MACF1: variants seen among roughly 807,000 people sequenced by gnomAD.
MACF1 encodes microtubule actin crosslinking factor 1.
A neutral mutation model predicts 854.8 loss-of-function variants in MACF1; 193 were observed. That is an observed-to-expected ratio of 0.23 (90% CI 0.20 to 0.25). The LOEUF is 0.25. MACF1 is among the 10% of genes least tolerant of loss of function. The pLI, the probability that MACF1 is intolerant of heterozygous loss-of-function variation, is 1.00. For synonymous variants in MACF1, 3,185 were observed against 3,226.7 expected (o/e 0.99, Z 0.44); for missense variants, 7,722 against 8,929.1 (o/e 0.86, Z 5.45).
In MACF1 at chr1:39,393,193, AAAAATATATATATAT is replaced by A. The variant is rs1557627887; in HGVS notation, c.15816+4537_15816+4551del. On this transcript the variant is annotated intron_variant, in intron 58 of 100. Coordinates refer to ENST00000564288, the MANE Select transcript of MACF1 (RefSeq NM_001394062.1). ...TTCCTGGGAAGGGTAAAAAAAAAAA[AAAAATATATATATAT>A]ATATATATATATATATGTTAAGTCT... Among the ~76,000 whole-genome samples, 2 of 103,872 alleles carry A rather than the reference AAAAATATATATATAT, an allele frequency of 1.9e-5. 1 individual carries two copies. The highest frequency in any genetic ancestry group is 3.8e-5 in the Non-Finnish European group (2 of 53,012). The allele number at this position is 103,872 out of a possible 152,430, so 68.1% of individuals were successfully genotyped here.
intron 29 of MACF1, 46 bp downstream of exon 29, chr1:39,317,453 AGGTCTT>A: frequency 6.3e-7 from 1 of 1,581,472 alleles, no homozygotes; most frequent in Admixed American, 1.8e-5. Context: ...TTCAGGGACT[AGGTCTT>A]AAACAAAAAC....
intron 6 of MACF1, among the ~76,000 whole-genome samples, chr1:39,262,283 C>T (rs942946664): frequency 6.6e-6 from 1 of 151,580 alleles, no homozygotes; most frequent in African/African-American, 2.4e-5. Flanking sequence ...ACTGTAGTCC[C>T]ACCTACTTGG....
chr1:39,208,564 A>T (rs1475282230), intron 1 of MACF1, among the ~76,000 whole-genome samples: 1 of 151,524 alleles, frequency 6.6e-6, no homozygotes, highest in Non-Finnish European at 1.5e-5. Context: ...AGCGATTCTC[A>T]TGACTCAACC....
chr1:39,295,986 C>G, intron 20 of MACF1, 104 bp downstream of exon 20: 1 of 978,014 alleles, frequency 1.0e-6, no homozygotes, highest in Non-Finnish European at 1.5e-6. Flanking sequence ...AAACCACCAC[C>G]TTAAAATTTA....
At position 39,357,534 on chromosome 1, in the gene MACF1, C is replaced by G. The variant is rs1647698933; in HGVS notation, c.11584C>G (p.Leu3862Val). The G allele has an allele frequency of 4.3e-6, 7 of 1,614,156 alleles. No homozygotes were observed. Among genetic ancestry groups the G allele is most frequent in the Non-Finnish European group, 5.9e-6 (7 of 1,180,028 alleles). The change falls in exon 45 of 101, where the codon CTG becomes GTG. Residue 3862 changes from leucine to valine, a missense_variant. By Grantham distance (32) the Leu-to-Val change is conservative. Transcript: ENST00000564288. ...GELKEQYSTS[L>V]AQSEAELKQV... ...GCTAAAGGAACAATACTCTACTTCC[C>G]TGGCCCAATCAGAGGCAGAACTGAA...
intron 95 of MACF1, 130 bp from the exon 96 acceptor site, chr1:39,468,485 A>G: frequency 1.4e-6 from 1 of 700,232 alleles, no homozygotes; most frequent in Non-Finnish European, 2.4e-6. Flanking sequence ...AAAATGCAAA[A>G]TTGTGAGAGT....
rs1261898816 is a variant in MACF1, at chr1:39,486,345, G to A, written c.*551G>A. ...GCTAAAGAGAGGGAACCTCATCTAA[G>A]TAACATTTGCACATGATACAGCAAA... On this transcript the variant is annotated 3_prime_UTR_variant, in exon 101 of 101. Coordinates refer to ENST00000564288, the MANE Select transcript of MACF1 (RefSeq NM_001394062.1). 1 of 152,642 alleles carries A rather than the reference G, an allele frequency of 6.6e-6. No individual in the cohort carries two copies. The highest frequency in any genetic ancestry group is 1.5e-5 in the Non-Finnish European group (1 of 68,042). The allele number at this position is 152,642 out of a possible 1,614,324, so 9.5% of individuals were successfully genotyped here.
chr1:39,306,807 A>G (rs1646189905), intron 23 of MACF1, among the ~76,000 whole-genome samples: 1 of 151,368 alleles, frequency 6.6e-6, no homozygotes, highest in Admixed American at 6.6e-5. Context: ...AACCTCTTAT[A>G]TCTGAAAATG....
At chr1:39,337,767 G>T (rs3121888) in intron 38 of MACF1, among the ~76,000 whole-genome samples, 133,631 of 149,014 alleles carry the variant, frequency 0.9, 60,366 homozygotes, top group Non-Finnish European at 0.95. Context: ...GTGTTTTTTT[G>T]TGTGTGTGTG....
chr1:39,382,840 GC>G (rs1044797644), intron 56 of MACF1, among the ~76,000 whole-genome samples: 2 of 151,966 alleles, frequency 1.3e-5, no homozygotes, highest in African/African-American at 4.8e-5. Flanking sequence ...GGTTGGTCAG[GC>G]CGGGTGCAGT....
intron 1 of MACF1, among the ~76,000 whole-genome samples, chr1:39,222,996 C>G (rs1644672206): frequency 6.6e-6 from 1 of 152,134 alleles, no homozygotes; most frequent in Non-Finnish European, 1.5e-5. Flanking sequence ...TCAAATTTCT[C>G]CTAGTAGAGT....
In MACF1 at chr1:39,442,604, A is replaced by C. The variant is rs377740793; in HGVS notation, c.19104+37A>C. On this transcript the variant is annotated intron_variant, in intron 77 of 100. Coordinates refer to ENST00000564288, the MANE Select transcript of MACF1 (RefSeq NM_001394062.1). ...CATTTTTTCATCTCTAACCCTATTG[A>C]TTTGAGACCAGATGCTGCCACCAGC... 1.1e-4 allele frequency: 183 copies of C among 1,612,492 alleles called. 1 individual carries two copies. Among genetic ancestry groups the C allele is most frequent in the Non-Finnish European group, 1.5e-4 (180 of 1,179,042 alleles).
chr1:39,422,602 A>G, intron 59 of MACF1, 67 bp downstream of exon 59: 1 of 1,548,508 alleles, frequency 6.5e-7, no homozygotes, highest in Non-Finnish European at 8.7e-7. Flanking sequence ...TCTGAATCTA[A>G]GGTTTCCCGA....
At position 39,152,882 on chromosome 1, in the gene MACF1, C is replaced by T. The variant is rs116567324; in HGVS notation, c.220+68444C>T. 5.2e-3 allele frequency among the ~76,000 whole-genome samples: 787 copies of T among 152,004 alleles called. 5 individuals are homozygous for T. The highest frequency in any genetic ancestry group is 0.018 in the African/African-American group (750 of 41,496). On this transcript the variant is annotated intron_variant, in intron 2 of 93. Coordinates refer to the MACF1 transcript ENST00000361689. Reference sequence around the variant, plus strand: ...TAAAAAAAAAAAGGCAGTTGGTGGCCTATGTTTCTAGAGACTTGTTTGATT... The same window carrying T: ...TAAAAAAAAAAAGGCAGTTGGTGGCTTATGTTTCTAGAGACTTGTTTGATT...
At chr1:39,454,843 A>C in intron 88 of MACF1, 66 bp from the exon 89 acceptor site, 1 of 1,359,152 alleles carries the variant, frequency 7.4e-7, no homozygotes, top group Non-Finnish European at 1.0e-6. Flanking sequence ...CAGATGAAAA[A>C]GGGCTTTGGA....
chr1:39,122,338 T>C (rs1395813114), intron 2 of MACF1, among the ~76,000 whole-genome samples: 1 of 150,030 alleles, frequency 6.7e-6, no homozygotes, highest in African/African-American at 2.5e-5. Flanking sequence ...CACTACAACC[T>C]CTGCCTCCTG....
rs761114667 is a variant in MACF1 at position 39,468,677 on chromosome 1, T to A, written c.21834T>A (p.Val7278=). Reference sequence around the variant, plus strand: ...TGCGCAGCACCGTGATGGTTCGCGTTGGTGGAGGATGGATGGCCTTGGATG... The same window carrying A: ...TGCGCAGCACCGTGATGGTTCGCGTAGGTGGAGGATGGATGGCCTTGGATG... ...RILRSTVMVR[V]GGGWMALDEF... Residue 7278 remains valine (V), a synonymous_variant, in exon 96 of 101, where the codon GTT becomes GTA. Transcript: ENST00000564288. 6.2e-7 allele frequency: 1 copy of A among 1,614,170 alleles called. No individual in the cohort carries two copies. The highest frequency in any genetic ancestry group is 8.5e-7 in the Non-Finnish European group (1 of 1,180,016).
chr1:39,157,321 G>A (rs966647691), intron 2 of MACF1, among the ~76,000 whole-genome samples: 2 of 152,118 alleles, frequency 1.3e-5, no homozygotes, highest in African/African-American at 2.4e-5. Flanking sequence ...ATCTTTTTAG[G>A]TGGGCATACT....
rs746434788 is a variant in MACF1 at position 39,460,673 on chromosome 1, A to G, written c.21402A>G (p.Lys7134=). The G allele has an allele frequency of 6.2e-7, 1 of 1,614,196 alleles. No individual in the cohort carries two copies. Among genetic ancestry groups the G allele is most frequent in the Non-Finnish European group, 8.5e-7 (1 of 1,180,022 alleles). Residue 7134 remains lysine, a synonymous_variant, in exon 92 of 101, where the codon AAA becomes AAG. Coordinates refer to ENST00000564288, the MANE Select transcript of MACF1 (RefSeq NM_001394062.1). The surrounding 1 kb of genome is among the most constrained non-coding windows in gnomAD (Gnocchi z 4.1). The part of the protein sequence containing the change: ...FANFDFDVWR[K]KYMRWMNHKK... ...ACTTTGACTTTGATGTCTGGAGGAA[A>G]AAGTATATGCGTTGGATGAATCACA...
Sources: allele counts gnomAD v4.1 joint callset (sites outside exome capture counted in the v4.1 genomes callset), GRCh38; gene constraint gnomAD v4.1.1; non-coding constraint Gnocchi (gnomAD v3.1); transcripts MANE v1.5; gene names NCBI Gene and HGNC (gene_info 2026-07-23, HGNC 2026-07-21).